Variants in BMP1 observed in about 807,000 individuals in gnomAD.
The protein encoded by BMP1 is bone morphogenetic protein 1, also known as mammalian tolloid protein.
A neutral mutation model predicts 116.8 loss-of-function variants in BMP1; 63 were observed. The observed-to-expected ratio is 0.54, with a 90% CI of 0.44 to 0.67. BMP1 has a LOEUF of 0.67. BMP1 is among the 30% of genes least tolerant of loss of function. The probability of loss-of-function intolerance (pLI) is 0.00; values close to 1 mark genes in which losing one functional copy is unlikely to be tolerated. For missense variants in BMP1, 1,183 were observed against 1,358.9 expected (o/e 0.87, Z 2.04); for synonymous variants, 536 against 533.4 (o/e 1.00, Z -0.07).
At chr8:22,203,186 T>C (rs1829295425) in intron 16 of BMP1, among the ~76,000 whole-genome samples, 1 of 152,198 alleles carries the variant, frequency 6.6e-6, no homozygotes, top group South Asian at 2.1e-4. Flanking sequence ...GACTTGCCTC[T>C]ACCATTGAAC....
At chr8:22,208,974 A>G (rs544237476) in intron 18 of BMP1, among the ~76,000 whole-genome samples, 1 of 152,334 alleles carries the variant, frequency 6.6e-6, no homozygotes, top group East Asian at 1.9e-4. Flanking sequence ...CCGGAACTCC[A>G]TCTGGCCCTC....
At chr8:22,169,507 C>T (rs1828215506) in intron 1 of BMP1, 1 of 152,260 alleles carries the variant, frequency 6.6e-6, no homozygotes, top group South Asian at 2.1e-4. Context: ...GTGGGTGTGT[C>T]GCTGCCTTGT....
At chr8:22,204,959 G>A (rs568908341) in intron 16 of BMP1, among the ~76,000 whole-genome samples, 2 of 152,326 alleles carry the variant, frequency 1.3e-5, no homozygotes, top group South Asian at 4.1e-4. Context: ...GTGAGAGCGT[G>A]AGGCTGGATC....
chr8:22,212,185 T>G lies in BMP1; in HGVS notation c.*457T>G. 5.6e-6 allele frequency: 1 copy of G among 177,370 alleles called. No homozygotes were observed. The highest frequency in any genetic ancestry group is 1.4e-4 in the East Asian group (1 of 7,308). The allele number at this position is 177,370 out of a possible 1,614,324, so 11.0% of individuals were successfully genotyped here. ...CCACCCCAGTTTCCTGGGGCACAAG[T>G]GTCTGTGCATGTCCCCCAGGAGCCA... On this transcript the variant is annotated 3_prime_UTR_variant, in exon 20 of 20. Transcript: ENST00000306385.
Position 22,189,053 on chromosome 8 carries a change from C to A in BMP1, c.1078-2996C>A, listed in dbSNP as rs951932823. ...TTGTTAGATATACAAATAACATATGCACACAGTAAACTTTTTGAACAATCT... is the reference window on the plus strand; with the variant it reads ...TTGTTAGATATACAAATAACATATGAACACAGTAAACTTTTTGAACAATCT... On this transcript the variant is annotated intron_variant, in intron 8 of 19. Transcript: ENST00000306385. Among the ~76,000 whole-genome samples the A allele has an allele frequency of 3.3e-5, 5 of 152,192 alleles. No individual in the cohort carries two copies. The East Asian group carries it at 9.6e-4, about 29-fold the overall frequency.
chr8:22,198,311 A>G (rs1231331558), intron 15 of BMP1: 1 of 152,302 alleles, frequency 6.6e-6, no homozygotes, highest in Non-Finnish European at 1.5e-5. Context: ...CCTGGGCTCC[A>G]GTCCCTTGGC....
chr8:22,165,509 A>G lies in BMP1; in HGVS notation c.104A>G (p.Glu35Gly). ...LADYTYDLAEEDDSEPLNYKD... is the reference protein window; with the variant it reads ...LADYTYDLAEGDDSEPLNYKD... Reference sequence around the variant, plus strand: ...GACTACACCTATGACCTGGCGGAGGAGGACGACTCGGAGCCCCTCAACTAC... The same window carrying G: ...GACTACACCTATGACCTGGCGGAGGGGGACGACTCGGAGCCCCTCAACTAC... The change falls in exon 1 of 20, where the codon GAG (glutamate) becomes GGG (glycine). Residue 35 changes from glutamate to glycine, a missense_variant. By Grantham distance (98) the Glu-to-Gly change is moderately conservative (BLOSUM62 -2). Around this residue, in one of 4 missense-constraint regions of BMP1, gnomAD observed 185 missense variants for 158.9 expected, o/e 1.16. Coordinates refer to ENST00000306385, the MANE Select transcript of BMP1 (RefSeq NM_006129.5). 1 of 1,593,336 alleles carries G rather than the reference A, an allele frequency of 6.3e-7. No individual in the cohort carries two copies.
intron 8 of BMP1, among the ~76,000 whole-genome samples, chr8:22,190,158 CAA>C (rs1183842326): frequency 6.6e-6 from 1 of 152,158 alleles, no homozygotes; most frequent in East Asian, 1.9e-4. Context: ...CGCCTGACCT[CAA>C]GTGATCCACC....
intron 16 of BMP1, 128 bp from the exon 17 acceptor site, chr8:22,206,726 C>T (rs1829363863): frequency 3.7e-6 from 5 of 1,360,174 alleles, no homozygotes; most frequent in Non-Finnish European, 3.1e-6. Context: ...GCCTGCCTGC[C>T]ATCCAGTTCA....
At chr8:22,183,869 C>G (rs1197729195) in intron 8 of BMP1, among the ~76,000 whole-genome samples, 1 of 152,162 alleles carries the variant, frequency 6.6e-6, no homozygotes, top group Non-Finnish European at 1.5e-5. Context: ...AGCCGCCGCG[C>G]CTGGCCATGT....
intron 2 of BMP1, among the ~76,000 whole-genome samples, chr8:22,175,049 G>A (rs1828392940): frequency 6.6e-6 from 1 of 152,200 alleles, no homozygotes; most frequent in African/African-American, 2.4e-5. Context: ...GTACCCCAGA[G>A]GGCAGGTGGC....
At chr8:22,200,541 T>G (rs1173901943) in intron 15 of BMP1, among the ~76,000 whole-genome samples, 2 of 152,108 alleles carry the variant, frequency 1.3e-5, no homozygotes, top group Non-Finnish European at 2.9e-5. Context: ...GTATCTGCAT[T>G]TGCATGGTGT....
chr8:22,209,411 C>G, intron 18 of BMP1, 34 bp from the exon 19 acceptor site: 1 of 1,609,232 alleles, frequency 6.2e-7, no homozygotes, highest in South Asian at 1.1e-5. Flanking sequence ...ACCTGCGGTG[C>G]TCAGGGCTGG....
At chr8:22,169,045 C>T (rs920861445) in intron 1 of BMP1, among the ~76,000 whole-genome samples, 3 of 152,058 alleles carry the variant, frequency 2.0e-5, no homozygotes, top group Admixed American at 6.5e-5. Flanking sequence ...GTCATGCACC[C>T]GTAGTCCCAG....
At chr8:22,201,159 C>T in intron 15 of BMP1, 1 of 1,613,482 alleles carries the variant, frequency 6.2e-7, no homozygotes, top group Non-Finnish European at 8.5e-7. Context: ...ACGCCCCCAC[C>T]AGCTCAAATT....
chr8:22,174,102 C>T (rs1828360994), intron 2 of BMP1, among the ~76,000 whole-genome samples: 1 of 152,202 alleles, frequency 6.6e-6, no homozygotes, highest in Non-Finnish European at 1.5e-5. Flanking sequence ...AGAGCTGGGA[C>T]TGGAACTCAA....
At chr8:22,169,893 C>T (rs1240809046) in intron 1 of BMP1, 2 of 152,184 alleles carry the variant, frequency 1.3e-5, no homozygotes, top group African/African-American at 4.8e-5. Context: ...TGGAAAACAA[C>T]ACAAAAAATT....
chr8:22,177,868 C>T lies in BMP1; in HGVS notation c.747C>T (p.Phe249=). The change falls in exon 6 of 20, where the codon TTC becomes TTT. Residue 249 remains phenylalanine (F), a synonymous_variant. Coordinates refer to ENST00000306385, the MANE Select transcript of BMP1 (RefSeq NM_006129.5). ...ENIQPGQEYN[F]LKMEPQEVES... ...TCTTGGCAGGGCAGGAGTATAACTT[C>T]CTGAAGATGGAGCCTCAGGAGGTGG... 2.5e-6 allele frequency: 4 copies of T among 1,612,726 alleles called. No homozygotes were observed. The highest frequency in any genetic ancestry group is 3.4e-6 in the Non-Finnish European group (4 of 1,179,008).
rs539294962 is a variant in BMP1 at position 22,212,082 on chromosome 8, G to T, written c.*354G>T. ...ACACGCTGTATTGTGTATCACCGGG[G>T]GCATTATTTTCATTGTAATGTTCAT... is the stretch of plus-strand genomic sequence containing the variant. On this transcript the variant is annotated 3_prime_UTR_variant, in exon 20 of 20. Coordinates refer to ENST00000306385, the MANE Select transcript of BMP1 (RefSeq NM_006129.5). 35 of 249,200 alleles carry T rather than the reference G, an allele frequency of 1.4e-4. 1 individual carries two copies. The highest frequency in any genetic ancestry group is 8.4e-4 in the Admixed American group (18 of 21,412). 15.4% of individuals were successfully genotyped at this position (249,200 alleles called of 1,614,324 possible).
Sources: gnomAD v4.1 joint callset for allele counts (sites outside exome capture counted in the v4.1 genomes callset) on GRCh38, gnomAD v4.1.1 for gene constraint, gnomAD v4.1.1 regional missense constraint, MANE v1.5 for transcripts, NCBI Gene and HGNC (gene_info 2026-07-23, HGNC 2026-07-21) for gene names.